LIPE: variants seen among roughly 807,000 people sequenced by gnomAD.
LIPE encodes lipase E, hormone sensitive type, also known as hormone-sensitive lipase.
LIPE carries 66 observed loss-of-function variants against 88.5 expected under a neutral mutation model. The observed-to-expected ratio is 0.75, with a 90% CI of 0.61 to 0.91. The LOEUF (loss-of-function observed/expected upper bound fraction) is 0.91. Ranked by LOEUF, LIPE falls within the 40% of genes least tolerant of loss-of-function variation. LIPE has a pLI of 0.00. For missense variants in LIPE, 1,346 were observed against 1,434.7 expected (o/e 0.94, Z 1.00); for synonymous variants, 570 against 617.5 (o/e 0.92, Z 1.14).
chr19:42,423,925 T>C, intron 1 of LIPE: 1 of 1,159,766 alleles, frequency 8.6e-7, no homozygotes, highest in Non-Finnish European at 1.1e-6. Flanking sequence ...CCCACTCACC[T>C]TCCCAGGGAG....
At chr19:42,416,060 C>T (rs1195672329) in intron 1 of LIPE, among the ~76,000 whole-genome samples, 2 of 151,826 alleles carry the variant, frequency 1.3e-5, no homozygotes, top group South Asian at 4.1e-4. Flanking sequence ...TGCAGGGTGA[C>T]GGCCGGGCAT....
In LIPE at chr19:42,408,119, C is replaced by T. The variant is rs769035981; in HGVS notation, c.1513G>A (p.Val505Met). Residue 505 changes from valine (V) to methionine (M), a missense_variant and splice_region_variant, in exon 4 of 10, where the codon GTG (valine) becomes ATG (methionine). Physicochemically the swap from Val to Met is conservative, Grantham distance 21. Coordinates refer to ENST00000244289, the MANE Select transcript of LIPE (RefSeq NM_005357.4). The surrounding 1 kb of genome is among the most constrained non-coding windows in gnomAD (Gnocchi z 4.3). The stretch of plus-strand genomic sequence containing the variant: ...CTGGTGAAGAGAGAGCTGGCGGCCA[C>T]ACCTAGGGGTCAGAAGGGGTGTCAG... Reference protein sequence around the residue: ...HYKRNETGLSVAASSLFTSGR... With the variant: ...HYKRNETGLSMAASSLFTSGR... 6.2e-7 allele frequency: 1 copy of T among 1,613,868 alleles called. No individual in the cohort carries two copies. Among genetic ancestry groups the T allele is most frequent in the Admixed American group, 1.7e-5 (1 of 60,010 alleles).
chr19:42,411,029 G>A (rs529051271), intron 1 of LIPE, among the ~76,000 whole-genome samples, 187 bp from the exon 2 acceptor site: 1 of 152,162 alleles, frequency 6.6e-6, no homozygotes. Context: ...TCTTGTCTCT[G>A]GGAATCAGAA....
intron 1 of LIPE, chr19:42,411,318 C>A: frequency 4.1e-6 from 4 of 985,188 alleles, no homozygotes; most frequent in Non-Finnish European, 4.8e-6. Context: ...TTCCAGGAAC[C>A]CAAGAGTCTA....
rs751265321 is a variant in LIPE, at chr19:42,410,628, T to C, written c.1098A>G (p.Pro366=). The C allele has an allele frequency of 1.9e-5, 31 of 1,613,366 alleles. No homozygotes were observed. In the South Asian group the frequency reaches 3.3e-4, roughly 17 times the overall value. ...LGVAHLFDLD[P]ETPANGYRSL... is the part of the protein sequence containing the mutation. ...TGCGGTACCCGTTGGCCGGTGTCTCTGGGTCCAGGTCAAAGAGGTGCGCCA... is the reference window on the plus strand; with the variant it reads ...TGCGGTACCCGTTGGCCGGTGTCTCCGGGTCCAGGTCAAAGAGGTGCGCCA... The change falls in exon 2 of 10, where the codon CCA becomes CCG. Residue 366 remains proline, a synonymous_variant. Coordinates refer to ENST00000244289, the MANE Select transcript of LIPE (RefSeq NM_005357.4). This position sits in a 1 kb window ranked among gnomAD's most constrained non-coding sequence, Gnocchi z 6.1.
chr19:42,413,459 A>T (rs1392220844), intron 1 of LIPE, among the ~76,000 whole-genome samples: 1 of 152,180 alleles, frequency 6.6e-6, no homozygotes, highest in African/African-American at 2.4e-5. Flanking sequence ...AGGTCAGCAG[A>T]TCAAGACCAT....
At chr19:42,412,160 A>T in intron 1 of LIPE, 1 of 496,046 alleles carries the variant, frequency 2.0e-6, no homozygotes, top group Non-Finnish European at 2.6e-6. Flanking sequence ...TTTCCCAGCC[A>T]TTCAGGCTGC....
At chr19:42,412,301 T>C (rs1020907190) in intron 1 of LIPE, 1 of 985,504 alleles carries the variant, frequency 1.0e-6, no homozygotes, top group Non-Finnish European at 1.2e-6. Flanking sequence ...GGTATTTCCT[T>C]TCCCTTCTAG....
chr19:42,406,392 G>C lies in LIPE; in HGVS notation c.2138-4C>G. 6.2e-7 allele frequency: 1 copy of C among 1,609,436 alleles called. No individual in the cohort carries two copies. The highest frequency in any genetic ancestry group is 8.5e-7 in the Non-Finnish European group (1 of 1,176,004). ...CAGATTCGTTCCCCTGTTGAGCCTG[G>C]TTTGGGAGAGGGGTGGTTGGTGACA... On this transcript the variant is annotated splice_polypyrimidine_tract_variant and splice_region_variant and intron_variant, in intron 6 of 9. Coordinates refer to ENST00000244289, the MANE Select transcript of LIPE (RefSeq NM_005357.4). The surrounding 1 kb of genome is among the most constrained non-coding windows in gnomAD (Gnocchi z 5.7).
chr19:42,407,249 CAG>C lies in LIPE; in HGVS notation c.2060_2061del (p.Pro687ArgfsTer169), dbSNP rs748989410. The C allele has an allele frequency of 1.9e-6, 3 of 1,594,096 alleles. No individual in the cohort carries two copies. Among genetic ancestry groups the C allele is most frequent in the African/African-American group, 1.3e-5 (1 of 74,616 alleles). On this transcript the variant is annotated frameshift_variant, in exon 6 of 10. Transcript: ENST00000244289. LOFTEE classifies it high-confidence loss of function. The surrounding 1 kb of genome is among the most constrained non-coding windows in gnomAD (Gnocchi z 5.8). ...PIISIDYSLA[P>X]EAPFPRALEE... ...TCCAGCGCACGGGGGAAGGGGGCCT[CAG>C]GGGCCAGGGAGTAGTCGATGGAGAT... is the stretch of plus-strand genomic sequence containing the variant.
rs745690424 is a variant in LIPE at position 42,408,024 on chromosome 19, C to T, written c.1608G>A (p.Val536=). ...TGTTCCAGAAGGCTTTCCAGAAGTGCACGTCCAGGTTCTGTGTGATCCGCT... is the reference window on the plus strand; with the variant it reads ...TGTTCCAGAAGGCTTTCCAGAAGTGTACGTCCAGGTTCTGTGTGATCCGCT... ...EFERITQNLD[V]HFWKAFWNIT... The change falls in exon 4 of 10, where the codon GTG becomes GTA. Residue 536 remains valine (V), a synonymous_variant. Transcript: ENST00000244289. This position sits in a 1 kb window ranked among gnomAD's most constrained non-coding sequence, Gnocchi z 4.3. 1.2e-6 allele frequency: 2 copies of T among 1,613,856 alleles called. No homozygotes were observed. Among genetic ancestry groups the T allele is most frequent in the East Asian group, 2.2e-5 (1 of 44,882 alleles).
intron 1 of LIPE, among the ~76,000 whole-genome samples, chr19:42,413,440 C>A (rs1020466351): frequency 6.6e-6 from 1 of 152,068 alleles, no homozygotes; most frequent in South Asian, 2.1e-4. Context: ...CCGAGGCGGG[C>A]GGATCATGAG....
rs1406581739 is a variant in LIPE at position 42,426,914 on chromosome 19, T to A, written c.236A>T (p.Gln79Leu). ...AESQKEPRAQ[Q>L]KSASQEEFLA... is the part of the protein sequence containing the mutation. ...AAATTCCTCTTGTGAAGCAGATTTT[T>A]GTTGGGCTCTAGGTTCCTTCTGGGA... Residue 79 changes from glutamine to leucine, a missense_variant, in exon 1 of 10, where the codon CAA (glutamine) becomes CTA (leucine). Physicochemically the swap from Gln to Leu is moderately radical, Grantham distance 113. Transcript: ENST00000244289. 6.2e-7 allele frequency: 1 copy of A among 1,614,028 alleles called. No homozygotes were observed. The highest frequency in any genetic ancestry group is 8.5e-7 in the Non-Finnish European group (1 of 1,180,026).
rs746178383 is a variant in LIPE, at chr19:42,427,176, A to G, written c.-27T>C. 10 of 1,560,372 alleles carry G rather than the reference A, an allele frequency of 6.4e-6. No individual in the cohort carries two copies. Among genetic ancestry groups the G allele is most frequent in the Non-Finnish European group, 8.6e-6 (10 of 1,158,020 alleles). ...GTTATTTCCCTCACGGGAGATATTG[A>G]TCTTCCAGGTTCTATCCTTCTGGGC... On this transcript the variant is annotated 5_prime_UTR_variant, in exon 1 of 10. Transcript: ENST00000244289.
At chr19:42,415,821 A>G (rs2040475731) in intron 1 of LIPE, among the ~76,000 whole-genome samples, 1 of 151,952 alleles carries the variant, frequency 6.6e-6, no homozygotes, top group Non-Finnish European at 1.5e-5. Context: ...AAAAAAAAAA[A>G]AAAAGTGAAC....
At chr19:42,402,530 C>T in intron 9 of LIPE, 77 bp downstream of exon 9, 1 of 1,316,392 alleles carries the variant, frequency 7.6e-7, no homozygotes, top group Non-Finnish European at 1.0e-6. Context: ...CCAGGTGTAC[C>T]CGTGCCCGGT....
intron 2 of LIPE, among the ~76,000 whole-genome samples, chr19:42,409,839 C>G (rs2040316340): frequency 6.6e-6 from 1 of 151,854 alleles, no homozygotes. Flanking sequence ...AATGCCTGGG[C>G]TGGGTTGCTG....
In LIPE at chr19:42,406,427, G is replaced by A. The variant is rs1209270505; in HGVS notation, c.2138-39C>T. ...GGGGTGGTTGGTGACAACCTGGCAG[G>A]GGCAGAGGCCTGGGGAGGAGGGCAG... On this transcript the variant is annotated intron_variant, in intron 6 of 9. Transcript: ENST00000244289. The surrounding 1 kb of genome is among the most constrained non-coding windows in gnomAD (Gnocchi z 5.7). 5 of 1,574,442 alleles carry A rather than the reference G, an allele frequency of 3.2e-6. No individual in the cohort carries two copies. The highest frequency in any genetic ancestry group is 4.4e-6 in the Non-Finnish European group (5 of 1,145,640).
At position 42,426,352 on chromosome 19, in the gene LIPE, A is replaced by G; in HGVS notation, c.798T>C (p.Ser266=). The change falls in exon 1 of 10, where the codon TCT becomes TCC. Residue 266 remains serine, a synonymous_variant. Transcript: ENST00000244289. ...TGTATCCTGACATCACTTTATAACC[A>G]GATTTTCCTTTGAAGCCTAGCTTCA... ...QGVKLGFKGK[S]GYKVMSGYSG... 2 of 1,613,834 alleles carry G rather than the reference A, an allele frequency of 1.2e-6. No homozygotes were observed.
Sources: allele counts gnomAD v4.1 joint callset (sites outside exome capture counted in the v4.1 genomes callset), GRCh38; gene constraint gnomAD v4.1.1; non-coding constraint Gnocchi (gnomAD v3.1); transcripts MANE v1.5; gene names NCBI Gene and HGNC (gene_info 2026-07-23, HGNC 2026-07-21).